Variants in PBRM1 observed in about 807,000 individuals in gnomAD.
The protein encoded by PBRM1 is polybromo 1, also known as protein polybromo-1.
PBRM1 carries 27 observed loss-of-function variants against 194.5 expected under a neutral mutation model. The observed-to-expected ratio is 0.14, with a 90% CI of 0.10 to 0.19. The LOEUF is 0.19. Ranked by LOEUF, PBRM1 falls within the 10% of genes least tolerant of loss-of-function variation. The pLI is 1.00. For synonymous variants in PBRM1, 655 were observed against 693.2 expected, an observed-to-expected ratio of 0.94 and a Z score of 0.87; for missense variants, 1,466 against 2,077.2, an observed-to-expected ratio of 0.71 and a Z score of 5.72.
At chr3:52,606,565 T>C (rs1379440325) in intron 16 of PBRM1, among the ~76,000 whole-genome samples, 9 of 152,224 alleles carry the variant, frequency 5.9e-5, no homozygotes, top group Admixed American at 3.3e-4. Context: ...ACCTAGTATA[T>C]GCTTTTGTTT....
intron 29 of PBRM1, among the ~76,000 whole-genome samples, chr3:52,549,500 AAAAAC>A (rs539563533): frequency 4.1e-4 from 63 of 152,288 alleles, no homozygotes; most frequent in South Asian, 8.3e-4. Context: ...CAAATGCCTG[AAAAAC>A]AAAACAAAAC....
chr3:52,685,167 C>T (rs1192835369), intron 1 of PBRM1, among the ~76,000 whole-genome samples: 1 of 152,138 alleles, frequency 6.6e-6, no homozygotes, highest in Non-Finnish European at 1.5e-5. Context: ...TTTTGCAACT[C>T]TTTCTTCCCC....
upstream of PBRM1, among the ~76,000 whole-genome samples, chr3:52,683,582 G>A (rs1029102008): frequency 6.6e-6 from 1 of 152,038 alleles, no homozygotes; most frequent in Non-Finnish European, 1.5e-5. Context: ...AGGAGGCTGA[G>A]GTGGGCAGAT....
rs1221730722 is a variant in PBRM1 at position 52,622,386 on chromosome 3, A to AT, written c.1542-4849dup. Among the ~76,000 whole-genome samples, 3 of 152,284 alleles carry AT rather than the reference A, an allele frequency of 2.0e-5. No individual in the cohort carries two copies. The East Asian group carries it at 5.8e-4, about 29-fold the overall frequency. On this transcript the variant is annotated intron_variant, in intron 13 of 29. Transcript: ENST00000296302. The stretch of plus-strand genomic sequence containing the variant: ...CAAAAAAATACTTAGGAGGACAACA[A>AT]TTCAGATCATAGATACTGTTGTAGT...
intron 13 of PBRM1, among the ~76,000 whole-genome samples, chr3:52,619,618 GAAAGTTCATTCC>G (rs1293253341): frequency 6.6e-6 from 1 of 152,148 alleles, no homozygotes; most frequent in African/African-American, 2.4e-5. Context: ...TTAGGTGGAA[GAAAGTTCATTCC>G]TCAGGCAAAC....
At chr3:52,593,712 G>T (rs757870385) in intron 17 of PBRM1, among the ~76,000 whole-genome samples, 1 of 152,044 alleles carries the variant, frequency 6.6e-6, no homozygotes, top group Non-Finnish European at 1.5e-5. Context: ...GGAGTAGGTT[G>T]GTTAATTTCC....
chr3:52,564,155 C>G, exon 23 of PBRM1: 1 of 1,613,786 alleles, frequency 6.2e-7, no homozygotes, highest in Non-Finnish European at 8.5e-7. Flanking sequence ...GCGGCTCTCA[C>G]AAAGCAGAAT....
upstream of PBRM1, chr3:52,679,810 T>A (rs2097172278): frequency 2.9e-6 from 3 of 1,045,536 alleles, no homozygotes; most frequent in African/African-American, 3.2e-5. Flanking sequence ...ACCAAACTCC[T>A]GGCTCACTTA....
chr3:52,553,153 T>C (rs1189398354), intron 27 of PBRM1, among the ~76,000 whole-genome samples: 1 of 152,202 alleles, frequency 6.6e-6, no homozygotes, highest in Non-Finnish European at 1.5e-5. Context: ...AACCACATTT[T>C]ACCATTTGGG....
chr3:52,600,156 GT>G (rs1232041778), intron 17 of PBRM1, among the ~76,000 whole-genome samples: 11 of 152,130 alleles, frequency 7.2e-5, no homozygotes, highest in Non-Finnish European at 1.2e-4. Flanking sequence ...AACATTTTAA[GT>G]TCTCTCTTTT....
chr3:52,648,213 A>T, intron 7 of PBRM1, 131 bp downstream of exon 8: 1 of 580,488 alleles, frequency 1.7e-6, no homozygotes, highest in Non-Finnish European at 3.0e-6. Flanking sequence ...AGCCTAAATT[A>T]AACACTTTTA....
chr3:52,680,996 TAGTC>T (rs1367726833), upstream of PBRM1, among the ~76,000 whole-genome samples: 1 of 151,624 alleles, frequency 6.6e-6, no homozygotes, highest in Admixed American at 6.6e-5. Context: ...GCCCCTGAGG[TAGTC>T]AGGCAGGCCT....
At chr3:52,640,199 GC>G (rs2096015958) in intron 10 of PBRM1, among the ~76,000 whole-genome samples, 2 of 36,660 alleles carry the variant, frequency 5.5e-5, no homozygotes, top group South Asian at 8.3e-4. Flanking sequence ...GTTATTATTC[GC>G]CTGGTTATTA....
intron 16 of PBRM1, among the ~76,000 whole-genome samples, chr3:52,606,079 A>G (rs1293000412): frequency 6.6e-6 from 1 of 152,004 alleles, no homozygotes; most frequent in Non-Finnish European, 1.5e-5. Context: ...GGCTCACTAC[A>G]GTCTCAATCT....
chr3:52,558,307 C>A (rs1384073432), exon 26 of PBRM1: 1 of 1,549,732 alleles, frequency 6.5e-7, no homozygotes, highest in East Asian at 2.4e-5. Flanking sequence ...GTGGCACCAC[C>A]CCCATGAGAG....
At chr3:52,603,115 A>G (rs1049793289) in intron 17 of PBRM1, among the ~76,000 whole-genome samples, 9 of 152,234 alleles carry the variant, frequency 5.9e-5, no homozygotes, top group Admixed American at 5.2e-4. Flanking sequence ...AATATCATCT[A>G]CTTGTCTGGT....
At chr3:52,572,602 C>T (rs937096662) in intron 22 of PBRM1, among the ~76,000 whole-genome samples, 1 of 152,168 alleles carries the variant, frequency 6.6e-6, no homozygotes, top group African/African-American at 2.4e-5. Context: ...TCTTGAACTC[C>T]TGATCTCAAG....
intron 22 of PBRM1, among the ~76,000 whole-genome samples, chr3:52,575,422 T>G (rs1487138523): frequency 2.6e-5 from 4 of 151,236 alleles, no homozygotes; most frequent in African/African-American, 9.7e-5. Context: ...CACAGCCCAT[T>G]CATAAGAAAA....
At chr3:52,586,748 C>CAAAA (rs35352950) in intron 19 of PBRM1, 60 bp from the exon 22 acceptor site, 19,461 of 180,598 alleles carry the variant, frequency 0.11, 1,645 homozygotes, top group Non-Finnish European at 0.13. Context: ...GAAAATCAAT[C>CAAAA]AAAAAAAAAA....
Sources: gnomAD v4.1 joint callset for allele counts (sites outside exome capture counted in the v4.1 genomes callset) on GRCh38, gnomAD v4.1.1 for gene constraint, MANE v1.5 for transcripts, NCBI Gene and HGNC (gene_info 2026-07-23, HGNC 2026-07-21) for gene names.